The following TM4SF20 variants were observed in gnomAD, a reference collection of about 807,000 sequenced individuals.
TM4SF20 encodes the protein transmembrane 4 L six family member 20, also known as transmembrane 4 L6 family member 20.
A neutral mutation model predicts 15.1 loss-of-function variants in TM4SF20; 13 were observed. That is an observed-to-expected ratio of 0.86 (90% CI 0.56 to 1.36). The LOEUF (loss-of-function observed/expected upper bound fraction) is 1.36. Ranked by LOEUF, TM4SF20 falls within the 40% of genes most tolerant of loss-of-function variation. TM4SF20 has a pLI of 0.00. For missense variants in TM4SF20, 282 were observed against 268.4 expected (o/e 1.05, Z -0.35); for synonymous variants, 92 against 96.6 (o/e 0.95, Z 0.28).
At chr2:227,375,093 A>G (rs549346020) in intron 1 of TM4SF20, among the ~76,000 whole-genome samples, 1 of 151,604 alleles carries the variant, frequency 6.6e-6, no homozygotes, top group Non-Finnish European at 1.5e-5. Flanking sequence ...TGCCTGGCTA[A>G]TTTTTGTATT....
intron 1 of TM4SF20, among the ~76,000 whole-genome samples, chr2:227,377,757 G>A (rs746984883): frequency 4.6e-5 from 7 of 152,112 alleles, no homozygotes; most frequent in South Asian, 2.1e-4. Context: ...ACTTGTAAGC[G>A]GGAGGTAAAT....
upstream of TM4SF20, among the ~76,000 whole-genome samples, chr2:227,380,026 G>A (rs188611771): frequency 5.6e-4 from 86 of 152,328 alleles, 1 homozygote; most frequent in East Asian, 0.012. Flanking sequence ...GTTGGCATAA[G>A]CTTTAAAATA....
chr2:227,381,298 C>CA (rs1200690223), upstream of TM4SF20, among the ~76,000 whole-genome samples: 1 of 151,656 alleles, frequency 6.6e-6, no homozygotes, highest in African/African-American at 2.4e-5. Flanking sequence ...AAAAAACACC[C>CA]ACCTATCAAC....
chr2:227,374,333 T>C (rs954436718), intron 1 of TM4SF20, among the ~76,000 whole-genome samples: 2 of 152,200 alleles, frequency 1.3e-5, no homozygotes, highest in African/African-American at 4.8e-5. Context: ...TTTGTAATGC[T>C]GTTACTGGTG....
intron 2 of TM4SF20, among the ~76,000 whole-genome samples, chr2:227,368,751 A>T (rs1445143849): frequency 6.6e-6 from 1 of 152,362 alleles, no homozygotes; most frequent in Admixed American, 6.5e-5. Flanking sequence ...AAGGGGATTC[A>T]CTTAAATGAT....
rs1560001967 is a variant in TM4SF20 at position 227,363,021 on chromosome 2, C to CT, written c.*702dup. The CT allele has an allele frequency of 6.6e-6, 1 of 152,258 alleles. No individual in the cohort carries two copies. Among genetic ancestry groups the CT allele is most frequent in the African/African-American group, 2.4e-5 (1 of 41,564 alleles). 9.4% of individuals were successfully genotyped at this position (152,258 alleles called of 1,614,324 possible). On this transcript the variant is annotated 3_prime_UTR_variant, in exon 4 of 4. Transcript: ENST00000304568. The stretch of plus-strand genomic sequence containing the variant: ...GGGCCATTCTGTGCCCGCTGACCCA[C>CT]TTTTTGGATTTGTCCTAGTGTTCCC...
chr2:227,373,398 A>G (rs1333423632), intron 1 of TM4SF20, among the ~76,000 whole-genome samples: 1 of 152,206 alleles, frequency 6.6e-6, no homozygotes, highest in African/African-American at 2.4e-5. Flanking sequence ...GCCCAGAAGA[A>G]AAGGGAAAAG....
chr2:227,378,240 G>A (rs1480412863), intron 1 of TM4SF20, among the ~76,000 whole-genome samples: 2 of 152,144 alleles, frequency 1.3e-5, no homozygotes, highest in African/African-American at 4.8e-5. Flanking sequence ...AAAACCATAG[G>A]ATAAATGATT....
In TM4SF20 at chr2:227,363,515, TA is replaced by T; in HGVS notation, c.*208del. ...CCTTTCTCTACACACAGTGAAGAGGTAAAAAATTTGAATAGTACAACACAAA... is the reference window on the plus strand; with the variant it reads ...CCTTTCTCTACACACAGTGAAGAGGTAAAAATTTGAATAGTACAACACAAA... On this transcript the variant is annotated 3_prime_UTR_variant, in exon 4 of 4. Coordinates refer to ENST00000304568, the MANE Select transcript of TM4SF20 (RefSeq NM_024795.4). 2.0e-6 allele frequency: 1 copy of T among 505,342 alleles called. No individual in the cohort carries two copies. The highest frequency in any genetic ancestry group is 3.5e-6 in the Non-Finnish European group (1 of 288,502). The allele number at this position is 505,342 out of a possible 1,614,324, so 31.3% of individuals were successfully genotyped here. A position where few individuals can be genotyped will look rare whatever the true frequency, so the allele number is the denominator to read the frequency against.
intron 2 of TM4SF20, among the ~76,000 whole-genome samples, chr2:227,369,285 TG>T (rs1194833769): frequency 1.3e-5 from 2 of 152,240 alleles, no homozygotes; most frequent in Non-Finnish European, 2.9e-5. Flanking sequence ...ATATCTGGTT[TG>T]TTTTTTTTAA....
chr2:227,379,132 G>A lies in TM4SF20; in HGVS notation c.137C>T (p.Ser46Phe). 6.2e-7 allele frequency: 1 copy of A among 1,614,214 alleles called. No homozygotes were observed. The highest frequency in any genetic ancestry group is 1.7e-5 in the Admixed American group (1 of 60,018). ...TCCTGGGAACCACCACTCAAAGCAA[G>A]AGATGGGGTTTTGAGAAAATTGGTC... ...EEDQFSQNPI[S>F]CFEWWFPGII... The change falls in exon 1 of 4, where the codon TCT (serine) becomes TTT (phenylalanine). Residue 46 changes from serine to phenylalanine, a missense_variant. Ser to Phe is a radical substitution (Grantham distance 155, BLOSUM62 -2). Transcript: ENST00000304568.
intron 1 of TM4SF20, 34 bp downstream of exon 1, chr2:227,379,052 C>G (rs1192258807): frequency 1.6e-5 from 25 of 1,603,566 alleles, no homozygotes; most frequent in Non-Finnish European, 2.1e-5. Flanking sequence ...TAGGCAGGCC[C>G]TTCTTCACAT....
intron 1 of TM4SF20, among the ~76,000 whole-genome samples, chr2:227,377,956 G>A (rs773005051): frequency 1.5e-4 from 23 of 151,396 alleles, no homozygotes; most frequent in Non-Finnish European, 2.9e-5. Flanking sequence ...TAACAAACCT[G>A]CACATGTACC....
At chr2:227,365,934 G>A (rs935587299) in intron 3 of TM4SF20, among the ~76,000 whole-genome samples, 159 bp downstream of exon 3, 5 of 152,212 alleles carry the variant, frequency 3.3e-5, no homozygotes, top group African/African-American at 9.6e-5. Context: ...TTGATGTGGA[G>A]TTGTGCTAAC....
chr2:227,370,179 G>C (rs1255030647), intron 2 of TM4SF20, among the ~76,000 whole-genome samples: 5 of 152,108 alleles, frequency 3.3e-5, no homozygotes, highest in African/African-American at 1.2e-4. Context: ...CTGGATAAAG[G>C]CAATTGTCAT....
intron 1 of TM4SF20, among the ~76,000 whole-genome samples, chr2:227,375,646 A>C (rs547331462): frequency 8.4e-6 from 1 of 119,448 alleles, no homozygotes; most frequent in African/African-American, 3.1e-5. Context: ...CCCACCACCA[A>C]GCCTGGCTAA....
intron 2 of TM4SF20, among the ~76,000 whole-genome samples, chr2:227,367,188 C>G (rs997646272): frequency 6.6e-6 from 1 of 152,122 alleles, no homozygotes; most frequent in African/African-American, 2.4e-5. Context: ...TTCTGACAAC[C>G]AAAAATGTCT....
chr2:227,364,413 GTTC>G lies in TM4SF20; in HGVS notation c.402-404_402-402del, dbSNP rs531955806. On this transcript the variant is annotated intron_variant, in intron 3 of 3. Coordinates refer to ENST00000304568, the MANE Select transcript of TM4SF20 (RefSeq NM_024795.4). ...CCGCCACCCCCATTAAATGAGCTCA[GTTC>G]TTAGTGCAGAACTACAGCGTGGCGT... is the stretch of plus-strand genomic sequence containing the variant. 1.2e-3 allele frequency among the ~76,000 whole-genome samples: 167 copies of G among 142,896 alleles called. 1 individual carries two copies. The highest frequency in any genetic ancestry group is 7.5e-3 in the Middle Eastern group (2 of 268). The allele number at this position is 142,896 out of a possible 152,430, so 93.7% of individuals were successfully genotyped here.
At chr2:227,375,180 G>C (rs2076441472) in intron 1 of TM4SF20, among the ~76,000 whole-genome samples, 1 of 152,004 alleles carries the variant, frequency 6.6e-6, no homozygotes, top group Non-Finnish European at 1.5e-5. Flanking sequence ...ACCCACCTCA[G>C]CCTCTCAAGA....
Sources: allele counts gnomAD v4.1 joint callset (sites outside exome capture counted in the v4.1 genomes callset), GRCh38; gene constraint gnomAD v4.1.1; transcripts MANE v1.5; gene names NCBI Gene and HGNC (gene_info 2026-07-23, HGNC 2026-07-21).